Variants in AGO1 observed in about 807,000 individuals in gnomAD.
AGO1 encodes protein argonaute-1.
Under a neutral mutation model 109.2 loss-of-function variants are expected in AGO1, and 11 were observed. The observed-to-expected ratio is 0.10, with a 90% CI of 0.06 to 0.17. AGO1 has a LOEUF of 0.17. Among genes scored for constraint, AGO1 ranks in the 10% least tolerant of loss-of-function variants. AGO1 has a pLI of 1.00. For synonymous variants in AGO1, 422 were observed against 418.6 expected (o/e 1.01, Z -0.10); for missense variants, 574 against 1,140.3 (o/e 0.50, Z 7.15).
chr1:35,902,459 G>A, intron 11 of AGO1, 122 bp downstream of exon 11: 2 of 1,283,890 alleles, frequency 1.6e-6, no homozygotes, highest in Non-Finnish European at 2.0e-6. Context: ...TGCCTGCATT[G>A]TGCTTTCTGG....
chr1:35,872,261 C>T (rs1483525623), intron 1 of AGO1, among the ~76,000 whole-genome samples: 1 of 149,644 alleles, frequency 6.7e-6, no homozygotes, highest in Non-Finnish European at 1.5e-5. Context: ...TCTCGGCTCA[C>T]TGCAGCCTCT....
chr1:35,885,012 G>C (rs1159188527), intron 1 of AGO1, among the ~76,000 whole-genome samples: 1 of 131,828 alleles, frequency 7.6e-6, no homozygotes, highest in Admixed American at 7.7e-5. Flanking sequence ...ACCCTCCCAA[G>C]GAAATAGCTC....
chr1:35,883,411 G>C lies in AGO1; in HGVS notation c.-11G>C, dbSNP rs746274013. 3 of 1,578,688 alleles carry C rather than the reference G, an allele frequency of 1.9e-6. No individual in the cohort carries two copies. Among genetic ancestry groups the C allele is most frequent in the Non-Finnish European group, 2.6e-6 (3 of 1,164,424 alleles). ...TCTCCGGGCCGCCTGACCTCCGCAC[G>C]GGTATATGGGATGGAAGCGGGACCC... On this transcript the variant is annotated 5_prime_UTR_variant, in exon 1 of 19. Coordinates refer to ENST00000373204, the MANE Select transcript of AGO1 (RefSeq NM_012199.5). This position sits in a 1 kb window ranked among gnomAD's most constrained non-coding sequence, Gnocchi z 5.4.
In AGO1 at chr1:35,928,927, C is replaced by T. The variant is rs1427185544; in HGVS notation, c.*9320C>T. 3.3e-5 allele frequency: 5 copies of T among 152,216 alleles called. No homozygotes were observed. The highest frequency in any genetic ancestry group is 3.3e-4 in the Admixed American group (5 of 15,286). 9.4% of individuals were successfully genotyped at this position (152,216 alleles called of 1,614,324 possible). On this transcript the variant is annotated 3_prime_UTR_variant, in exon 19 of 19. Coordinates refer to ENST00000373204, the MANE Select transcript of AGO1 (RefSeq NM_012199.5). ...TGTATTTCTTTCTTCTCAGAACAAC[C>T]AGTGTCACCAGGTATGAGGGCAGAG...
rs1314800058 is a variant in AGO1, at chr1:35,927,560, G to C, written c.*7953G>C. ...AAGTCTTCCCCTGGAAGCTCCAACA[G>C]ATACGGCCTCATGGCTTTGCTAGAA... On this transcript the variant is annotated 3_prime_UTR_variant, in exon 19 of 19. Transcript: ENST00000373204. The C allele has an allele frequency of 6.6e-6, 1 of 152,208 alleles. No homozygotes were observed. The highest frequency in any genetic ancestry group is 1.9e-4 in the East Asian group (1 of 5,192). The allele number at this position is 152,208 out of a possible 1,614,324, so 9.4% of individuals were successfully genotyped here.
intron 12 of AGO1, among the ~76,000 whole-genome samples, chr1:35,909,814 C>T (rs549458955): frequency 2.6e-4 from 40 of 152,142 alleles, no homozygotes; most frequent in Non-Finnish European, 4.4e-4. Flanking sequence ...GTTGTTTGAT[C>T]TTCAGTCCTT....
chr1:35,902,923 G>GA (rs1335029679), intron 11 of AGO1, among the ~76,000 whole-genome samples: 3 of 152,000 alleles, frequency 2.0e-5, no homozygotes, highest in Non-Finnish European at 4.4e-5. Flanking sequence ...CACCAATGAG[G>GA]AAAGTGTTAT....
rs559288688 is a variant in AGO1, at chr1:35,920,516, C to T, written c.*909C>T. On this transcript the variant is annotated 3_prime_UTR_variant, in exon 19 of 19. Transcript: ENST00000373204. Reference sequence around the variant, plus strand: ...AACAAACCTCCAGCCAGAAAGCCAGCTATTTTGCATTTGAAGGAATTGACT... The same window carrying T: ...AACAAACCTCCAGCCAGAAAGCCAGTTATTTTGCATTTGAAGGAATTGACT... The T allele has an allele frequency of 6.5e-6, 1 of 152,686 alleles. No individual in the cohort carries two copies. Among genetic ancestry groups the T allele is most frequent in the Admixed American group, 6.5e-5 (1 of 15,300 alleles). 9.5% of individuals were successfully genotyped at this position (152,686 alleles called of 1,614,324 possible). A position where few individuals can be genotyped will look rare whatever the true frequency, so the allele number is the denominator to read the frequency against.
intron 11 of AGO1, among the ~76,000 whole-genome samples, chr1:35,903,023 T>A (rs1268547753): frequency 2.0e-5 from 3 of 148,482 alleles, no homozygotes; most frequent in East Asian, 2.0e-4. Flanking sequence ...TTTTTTTTTT[T>A]AAGACAGAGT....
chr1:35,876,423 T>C (rs557993395), intron 1 of AGO1, among the ~76,000 whole-genome samples: 243 of 152,036 alleles, frequency 1.6e-3, no homozygotes, highest in Middle Eastern at 6.8e-3. Flanking sequence ...CCTGCCACCA[T>C]GCCCAGCTAA....
upstream of AGO1, among the ~76,000 whole-genome samples, chr1:35,882,600 G>C (rs1204107675): frequency 6.6e-6 from 1 of 152,220 alleles, no homozygotes; most frequent in East Asian, 1.9e-4. The surrounding 1 kb of genome is among the most constrained non-coding windows in gnomAD (Gnocchi z 5.1). Context: ...AGTGGAGGCA[G>C]GTGCTTCCCA....
In AGO1 at chr1:35,895,000, TG is replaced by T. The variant is rs946510927; in HGVS notation, c.873-121del. On this transcript the variant is annotated intron_variant, in intron 7 of 18. Transcript: ENST00000373204. ...GAAGCAAAGTCTGGGACTTCCTTCC[TG>T]CACATCATATTGGGGCCAAATGAAA... 7.4e-6 allele frequency: 9 copies of T among 1,214,874 alleles called. No homozygotes were observed. The African/African-American group carries it at 1.4e-4, about 19-fold the overall frequency. 75.3% of individuals were successfully genotyped at this position (1,214,874 alleles called of 1,614,324 possible).
At chr1:35,873,331 A>G (rs1046883703) in intron 1 of AGO1, 2 of 154,010 alleles carry the variant, frequency 1.3e-5, no homozygotes, top group African/African-American at 4.8e-5. Flanking sequence ...GGATATGTCA[A>G]AACTGATTGC....
chr1:35,882,833 G>A, upstream of AGO1: 3 of 985,452 alleles, frequency 3.0e-6, no homozygotes, highest in Non-Finnish European at 3.6e-6. The surrounding 1 kb of genome is among the most constrained non-coding windows in gnomAD (Gnocchi z 5.1). Context: ...GGAGAGGTGG[G>A]AGGCAGGGCC....
Position 35,895,162 on chromosome 1 carries a change from A to G in AGO1, c.913A>G (p.Thr305Ala), listed in dbSNP as rs1306020581. The G allele has an allele frequency of 2.5e-6, 4 of 1,613,740 alleles. No homozygotes were observed. The highest frequency in any genetic ancestry group is 1.3e-5 in the African/African-American group (1 of 74,892). Reference protein sequence around the residue: ...QLESGQTVECTVAQYFKQKYN... With the variant: ...QLESGQTVECAVAQYFKQKYN... ...GGAGAGTGGACAGACTGTGGAGTGCACAGTGGCACAGTATTTCAAGCAGAA... is the reference window on the plus strand; with the variant it reads ...GGAGAGTGGACAGACTGTGGAGTGCGCAGTGGCACAGTATTTCAAGCAGAA... Residue 305 changes from threonine to alanine, a missense_variant, in exon 8 of 19, where the codon ACA (threonine) becomes GCA (alanine). Transcript: ENST00000373204.
intron 1 of AGO1, among the ~76,000 whole-genome samples, chr1:35,885,786 C>A (rs934596277): frequency 2.0e-5 from 3 of 152,200 alleles, no homozygotes; most frequent in Non-Finnish European, 4.4e-5. Context: ...CTAGCAAGTG[C>A]CTAGTGTATA....
intron 1 of AGO1, among the ~76,000 whole-genome samples, chr1:35,871,066 A>G (rs1226226900): frequency 6.6e-6 from 1 of 152,220 alleles, no homozygotes; most frequent in Non-Finnish European, 1.5e-5. Flanking sequence ...CCTCTTGGCA[A>G]TGCAGAAGAT....
chr1:35,894,149 T>C lies in AGO1; in HGVS notation c.762T>C (p.Val254=). The C allele has an allele frequency of 1.3e-6, 2 of 1,578,142 alleles. No individual in the cohort carries two copies. The highest frequency in any genetic ancestry group is 1.7e-6 in the Non-Finnish European group (2 of 1,162,650). ...AGCCCCTCACGGACTCTCAGCGCGT[T>C]CGCTTCACCAAGGAGATCAAGGGTG... ...QPKPLTDSQR[V]RFTKEIKGLK... Residue 254 remains valine, a synonymous_variant, in exon 6 of 19, where the codon GTT becomes GTC. Coordinates refer to ENST00000373204, the MANE Select transcript of AGO1 (RefSeq NM_012199.5).
intron 16 of AGO1, 127 bp downstream of exon 16, chr1:35,917,854 C>T (rs559507936): frequency 1.5e-6 from 2 of 1,329,446 alleles, no homozygotes; most frequent in Non-Finnish European, 2.0e-6. Flanking sequence ...CCCCTTCCCT[C>T]CTCCTAGCTC....
Sources: allele counts gnomAD v4.1 joint callset (sites outside exome capture counted in the v4.1 genomes callset), GRCh38; gene constraint gnomAD v4.1.1; non-coding constraint Gnocchi (gnomAD v3.1); transcripts MANE v1.5; gene names NCBI Gene and HGNC (gene_info 2026-07-23, HGNC 2026-07-21).